Variants in FBXO25 observed in about 807,000 individuals in gnomAD.
FBXO25 encodes the protein F-box only protein 25.
FBXO25 carries 45 observed loss-of-function variants against 51.9 expected under a neutral mutation model. The observed-to-expected ratio is 0.87, with a 90% confidence interval of 0.68 to 1.11. The LOEUF is 1.11. FBXO25 is among the 50% of genes most tolerant of loss of function. The probability of loss-of-function intolerance (pLI) is 0.00; values close to 1 mark genes in which losing one functional copy is unlikely to be tolerated. For missense variants in FBXO25, 507 were observed against 428.5 expected (o/e 1.18, Z -1.62); for synonymous variants, 199 against 151.0 (o/e 1.32, Z -2.33).
chr8:459,322 C>T (rs558931180), intron 8 of FBXO25, among the ~76,000 whole-genome samples: 1 of 152,206 alleles, frequency 6.6e-6, no homozygotes, highest in East Asian at 1.9e-4. Flanking sequence ...GGAGCATAGC[C>T]TACCCTTGGA....
intron 7 of FBXO25, among the ~76,000 whole-genome samples, chr8:452,464 A>G (rs1799158096): frequency 6.6e-6 from 1 of 152,226 alleles, no homozygotes. Flanking sequence ...TAAGACACTT[A>G]TGCATGGCAT....
intron 5 of FBXO25, among the ~76,000 whole-genome samples, chr8:437,253 T>G (rs1458875987): frequency 1.3e-5 from 2 of 152,208 alleles, no homozygotes; most frequent in African/African-American, 2.4e-5. Context: ...AAATGTGCTG[T>G]GCACTCATGT....
Position 463,137 on chromosome 8 carries a change from T to A in FBXO25, c.974T>A (p.Ile325Asn). 1 of 1,611,190 alleles carries A rather than the reference T, an allele frequency of 6.2e-7. No individual in the cohort carries two copies. Among genetic ancestry groups the A allele is most frequent in the Non-Finnish European group, 8.5e-7 (1 of 1,179,458 alleles). Residue 325 changes from isoleucine to asparagine, a missense_variant, in exon 9 of 10, where the codon ATT (isoleucine) becomes AAT (asparagine). By Grantham distance (149) the Ile-to-Asn change is moderately radical. Coordinates refer to ENST00000350302, the MANE Select transcript of FBXO25 (RefSeq NM_183420.2). Reference protein sequence around the residue: ...DTLHFCRHCSILFWKDSGHPC... With the variant: ...DTLHFCRHCSNLFWKDSGHPC... ...CTGCATTTCTGTCGGCACTGCAGCATTCTCTTTTGGAAGGTACTGATTTAA... is the reference window on the plus strand; with the variant it reads ...CTGCATTTCTGTCGGCACTGCAGCAATCTCTTTTGGAAGGTACTGATTTAA...
Position 471,359 on chromosome 8 carries a change from C to T in FBXO25, c.*2555C>T, listed in dbSNP as rs944509655. The T allele has an allele frequency of 6.6e-6, 1 of 152,166 alleles. No individual in the cohort carries two copies. Among genetic ancestry groups the T allele is most frequent in the African/African-American group, 2.4e-5 (1 of 41,418 alleles). 9.4% of individuals were successfully genotyped at this position (152,166 alleles called of 1,614,324 possible). A position where few individuals can be genotyped will look rare whatever the true frequency, so the allele number is the denominator to read the frequency against. ...CAGTTATTTACAGAAGATCGGACAACACCAAACAGAGATGAGAAGAGAAAT... is the reference window on the plus strand; with the variant it reads ...CAGTTATTTACAGAAGATCGGACAATACCAAACAGAGATGAGAAGAGAAAT... On this transcript the variant is annotated 3_prime_UTR_variant, in exon 10 of 10. Transcript: ENST00000350302.
In FBXO25 at chr8:453,457, G is replaced by A. The variant is rs558857064; in HGVS notation, c.660+2004G>A. Among the ~76,000 whole-genome samples the A allele has an allele frequency of 1.6e-4, 25 of 152,218 alleles. No homozygotes were observed. The South Asian group carries it at 5.0e-3, about 30-fold the overall frequency. On this transcript the variant is annotated intron_variant, in intron 7 of 9. Transcript: ENST00000350302. ...TCCCTTGTAGGAGTTGGCCAGAGGAGTTTTACCTTTCTGGGAATGTTACTT... is the reference window on the plus strand; with the variant it reads ...TCCCTTGTAGGAGTTGGCCAGAGGAATTTTACCTTTCTGGGAATGTTACTT...
chr8:421,177 G>C (rs1259694997), intron 2 of FBXO25, among the ~76,000 whole-genome samples: 2 of 152,230 alleles, frequency 1.3e-5, no homozygotes, highest in Non-Finnish European at 2.9e-5. Context: ...GTTGTGAACT[G>C]TGTATGTGAA....
chr8:434,655 A>G (rs1230774791), intron 4 of FBXO25, among the ~76,000 whole-genome samples: 1 of 152,108 alleles, frequency 6.6e-6, no homozygotes, highest in Non-Finnish European at 1.5e-5. Flanking sequence ...GAGACCAATC[A>G]TCTCATGTTT....
At chr8:409,678 C>G (rs1173207434) in intron 1 of FBXO25, among the ~76,000 whole-genome samples, 1 of 152,076 alleles carries the variant, frequency 6.6e-6, no homozygotes, top group East Asian at 1.9e-4. Context: ...GCTGAGGATA[C>G]CGGGATGTAC....
At chr8:446,995 C>T (rs930724635) in intron 5 of FBXO25, among the ~76,000 whole-genome samples, 1 of 152,130 alleles carries the variant, frequency 6.6e-6, no homozygotes, top group African/African-American at 2.4e-5. Context: ...GTGCATGAGG[C>T]TTACCAAAAG....
intron 1 of FBXO25, among the ~76,000 whole-genome samples, chr8:408,628 C>T (rs1013396031): frequency 6.6e-6 from 1 of 152,200 alleles, no homozygotes; most frequent in Non-Finnish European, 1.5e-5. Flanking sequence ...TAAATGTTTG[C>T]CATTATTATT....
Position 458,423 on chromosome 8 carries a change from A to C in FBXO25, c.715A>C (p.Ile239Leu), listed in dbSNP as rs1799594364. ...SDLPLHMLNN[I>L]LYRFSDGWDI... ...CCTTCCTCTGCACATGCTGAACAAC[A>C]TCCTATACCGGTTCTCAGACGGATG... The change falls in exon 8 of 10, where the codon ATC (isoleucine) becomes CTC (leucine). Residue 239 changes from isoleucine (I) to leucine (L), a missense_variant. Physicochemically the swap from Ile to Leu is conservative, Grantham distance 5. Transcript: ENST00000350302. The C allele has an allele frequency of 4.3e-6, 7 of 1,614,192 alleles. No homozygotes were observed. Among genetic ancestry groups the C allele is most frequent in the Non-Finnish European group, 8.5e-7 (1 of 1,180,032 alleles).
chr8:435,826 C>T (rs71514156), intron 5 of FBXO25, 119 bp downstream of exon 5: 20 of 1,412,300 alleles, frequency 1.4e-5, no homozygotes, highest in African/African-American at 4.4e-5. Flanking sequence ...CTGTTTGCTG[C>T]GTATTAATCA....
At chr8:420,836 CTG>C (rs1312563047) in intron 2 of FBXO25, among the ~76,000 whole-genome samples, 1 of 152,164 alleles carries the variant, frequency 6.6e-6, no homozygotes, top group Non-Finnish European at 1.5e-5. Flanking sequence ...AGTGATGGGA[CTG>C]TGTTAGATTT....
chr8:441,871 G>C (rs1798445257), intron 5 of FBXO25, among the ~76,000 whole-genome samples: 1 of 152,200 alleles, frequency 6.6e-6, no homozygotes, highest in Admixed American at 6.5e-5. Context: ...AGATGCTGGA[G>C]AGGACGTGGA....
intron 5 of FBXO25, among the ~76,000 whole-genome samples, chr8:440,343 T>C (rs1361812494): frequency 2.0e-5 from 3 of 152,176 alleles, no homozygotes; most frequent in Non-Finnish European, 4.4e-5. Context: ...TTGAGGAGGA[T>C]TTAGGCAGAG....
intron 4 of FBXO25, among the ~76,000 whole-genome samples, chr8:433,568 G>C (rs1459900832): frequency 2.6e-5 from 4 of 152,080 alleles, no homozygotes; most frequent in Non-Finnish European, 5.9e-5. Flanking sequence ...TGCCAAGTTG[G>C]GCTAAAGCTT....
rs564806499 is a variant in FBXO25, at chr8:418,978, A to G, written c.134+5765A>G. Among the ~76,000 whole-genome samples, 5 of 152,348 alleles carry G rather than the reference A, an allele frequency of 3.3e-5. No individual in the cohort carries two copies. In the South Asian group the frequency reaches 8.3e-4, roughly 25 times the overall value. ...TATTTTCACAATGTAAAGTAGGCAG[A>G]TTGCTTACCACACAAAAACCACAAG... On this transcript the variant is annotated intron_variant, in intron 2 of 9. Coordinates refer to ENST00000350302, the MANE Select transcript of FBXO25 (RefSeq NM_183420.2).
chr8:453,385 G>T (rs1799214302), intron 7 of FBXO25, among the ~76,000 whole-genome samples: 1 of 152,120 alleles, frequency 6.6e-6, no homozygotes, highest in African/African-American at 2.4e-5. Context: ...TGAGGATCTT[G>T]GCTTCTGGAC....
rs1800540222 is a variant in FBXO25 at position 473,269 on chromosome 8, A to G, written c.*4465A>G. 1.3e-5 allele frequency: 2 copies of G among 152,294 alleles called. No individual in the cohort carries two copies. Among genetic ancestry groups the G allele is most frequent in the South Asian group, 4.1e-4 (2 of 4,828 alleles). The allele number at this position is 152,294 out of a possible 1,614,324, so 9.4% of individuals were successfully genotyped here. A position where few individuals can be genotyped will look rare whatever the true frequency, so the allele number is the denominator to read the frequency against. The stretch of plus-strand genomic sequence containing the variant: ...CTGCTCAGGTGTAGCCTCTGCCTTC[A>G]GAATTTCAGCAGGAACTGCATCATT... On this transcript the variant is annotated 3_prime_UTR_variant, in exon 10 of 10. Coordinates refer to ENST00000350302, the MANE Select transcript of FBXO25 (RefSeq NM_183420.2).
Sources: gnomAD v4.1 joint callset for allele counts (sites outside exome capture counted in the v4.1 genomes callset) on GRCh38, gnomAD v4.1.1 for gene constraint, MANE v1.5 for transcripts, NCBI Gene and HGNC (gene_info 2026-07-23, HGNC 2026-07-21) for gene names.